DKK4: variants seen among roughly 807,000 people sequenced by gnomAD.
DKK4 encodes dickkopf Wnt signaling pathway inhibitor 4.
DKK4 carries 15 observed loss-of-function variants against 14.5 expected under a neutral mutation model. The ratio of observed to expected loss-of-function variants is 1.03; its 90% CI spans 0.69 to 1.59. DKK4 has a LOEUF of 1.59. Ranked by LOEUF, DKK4 falls within the 40% of genes most tolerant of loss-of-function variation. The pLI is 0.00. For synonymous variants in DKK4, 89 were observed against 105.2 expected, an observed-to-expected ratio of 0.85 and a Z score of 0.94; for missense variants, 272 against 280.3, an observed-to-expected ratio of 0.97 and a Z score of 0.21.
upstream of DKK4, among the ~76,000 whole-genome samples, chr8:42,379,372 TATATATAGAGAGAGAGAG>T (rs1395668534): frequency 7.7e-4 from 39 of 50,598 alleles, no homozygotes; most frequent in African/African-American, 2.7e-3. Context: ...TATATATATA[TATATATAGAGAGAGAGAG>T]AGAGAGAGAG....
upstream of DKK4, among the ~76,000 whole-genome samples, chr8:42,377,582 C>A (rs985766393): frequency 2.6e-5 from 4 of 151,998 alleles, no homozygotes; most frequent in Admixed American, 2.0e-4. Flanking sequence ...TAATTGTGCT[C>A]AAAGAAAGGA....
chr8:42,385,902 C>T, the DKK4 span, among the ~76,000 whole-genome samples: 4 of 152,088 alleles, frequency 2.6e-5, 1 homozygote, highest in African/African-American at 7.2e-5. Flanking sequence ...AAAATTTTCC[C>T]AATTTTTTTC....
chr8:42,381,220 G>T (rs1400830910), upstream of DKK4, among the ~76,000 whole-genome samples: 1 of 152,096 alleles, frequency 6.6e-6, no homozygotes, highest in African/African-American at 2.4e-5. Context: ...GAGGAGCTGG[G>T]ATGATCCTGC....
At chr8:42,376,820 T>C (rs117728709) in intron 1 of DKK4, 115 bp downstream of exon 1, 1 of 844,554 alleles carries the variant, frequency 1.2e-6, no homozygotes, top group East Asian at 2.7e-5. Flanking sequence ...ACCAATTCAA[T>C]TTACCTGCTA....
the DKK4 span, among the ~76,000 whole-genome samples, chr8:42,390,585 G>T: frequency 6.6e-6 from 1 of 151,176 alleles, no homozygotes; most frequent in South Asian, 2.1e-4. Flanking sequence ...GGATGGTCTC[G>T]ATCTCCTGAC....
At chr8:42,383,552 G>C in the DKK4 span, among the ~76,000 whole-genome samples, 1 of 152,260 alleles carries the variant, frequency 6.6e-6, no homozygotes, top group African/African-American at 2.4e-5. Context: ...CCTTGGAGTT[G>C]TCCTGACTCC....
rs751523098 is a variant in DKK4 at position 42,377,082 on chromosome 8, G to C, written c.-37C>G. 1.9e-6 allele frequency: 3 copies of C among 1,569,456 alleles called. No individual in the cohort carries two copies. Among genetic ancestry groups the C allele is most frequent in the East Asian group, 4.5e-5 (2 of 44,448 alleles). On this transcript the variant is annotated 5_prime_UTR_variant, in exon 1 of 4. Coordinates refer to ENST00000220812, the MANE Select transcript of DKK4 (RefSeq NM_014420.3). The stretch of plus-strand genomic sequence containing the variant: ...GGGGCTCCTGGAGGGTCCCAGCACT[G>C]TGCGTCACCAAAGCGAGGCTGCTCT...
the DKK4 span, among the ~76,000 whole-genome samples, chr8:42,387,127 A>C: frequency 1.3e-5 from 2 of 152,140 alleles, no homozygotes; most frequent in Non-Finnish European, 2.9e-5. Flanking sequence ...CGCTTAGCAA[A>C]CATCCCTCAA....
At chr8:42,390,723 G>A in the DKK4 span, among the ~76,000 whole-genome samples, 4 of 152,102 alleles carry the variant, frequency 2.6e-5, no homozygotes, top group Non-Finnish European at 5.9e-5. Flanking sequence ...CTGGGCAGTT[G>A]TCTTGCAGGT....
At chr8:42,386,680 G>T in the DKK4 span, among the ~76,000 whole-genome samples, 1 of 152,046 alleles carries the variant, frequency 6.6e-6, no homozygotes, top group African/African-American at 2.4e-5. Context: ...TAGAGATGGG[G>T]GTCTCGCTAT....
At chr8:42,384,708 C>T in the DKK4 span, among the ~76,000 whole-genome samples, 1 of 152,120 alleles carries the variant, frequency 6.6e-6, no homozygotes, top group African/African-American at 2.4e-5. Context: ...CACCGAGACT[C>T]GGAGGGACCA....
At chr8:42,379,625 G>C (rs1448484024), upstream of DKK4, among the ~76,000 whole-genome samples, 7 of 151,928 alleles carry the variant, frequency 4.6e-5, no homozygotes, top group African/African-American at 1.7e-4. Flanking sequence ...AGACTTTCTA[G>C]AGAAATAAAG....
upstream of DKK4, among the ~76,000 whole-genome samples, chr8:42,379,416 GA>G (rs1563415772): frequency 6.7e-4 from 86 of 128,724 alleles, no homozygotes; most frequent in African/African-American, 2.5e-3. Context: ...GAGAGAGAGA[GA>G]GAGAGAGAGA....
At chr8:42,386,282 T>C in the DKK4 span, among the ~76,000 whole-genome samples, 3 of 152,126 alleles carry the variant, frequency 2.0e-5, no homozygotes, top group South Asian at 4.1e-4. Context: ...GCTCCCTTGC[T>C]TCTTAAAATT....
At chr8:42,381,780 T>G (rs1824684370), upstream of DKK4, among the ~76,000 whole-genome samples, 2 of 152,102 alleles carry the variant, frequency 1.3e-5, no homozygotes, top group African/African-American at 4.8e-5. Context: ...GGTGGATCAC[T>G]TGAGATCAGG....
At chr8:42,379,384 GAGAGA>G (rs1824627785), upstream of DKK4, among the ~76,000 whole-genome samples, 1 of 19,706 alleles carries the variant, frequency 5.1e-5, no homozygotes, top group Non-Finnish European at 9.4e-5. Flanking sequence ...TATATAGAGA[GAGAGA>G]GAGAGAGAGA....
chr8:42,385,539 G>A, the DKK4 span, among the ~76,000 whole-genome samples: 40 of 152,298 alleles, frequency 2.6e-4, no homozygotes, highest in South Asian at 2.7e-3. Context: ...CACATGGGGA[G>A]TGGGAGGGGA....
rs1824500197 is a variant in DKK4, at chr8:42,374,070, C to A, written c.*30G>T. ...TAATGTCCAAGATTGAGCTCAAATG[C>A]AATGTGGATTCTTCTTTATTTTGAA... On this transcript the variant is annotated 3_prime_UTR_variant, in exon 4 of 4. Transcript: ENST00000220812. The A allele has an allele frequency of 1.2e-6, 2 of 1,608,656 alleles. No individual in the cohort carries two copies. Among genetic ancestry groups the A allele is most frequent in the Admixed American group, 3.4e-5 (2 of 59,146 alleles).
chr8:42,385,817 C>G, the DKK4 span, among the ~76,000 whole-genome samples: 1 of 152,060 alleles, frequency 6.6e-6, no homozygotes, highest in Non-Finnish European at 1.5e-5. Context: ...AATACATTCC[C>G]AAATCTTAGA....
Sources: allele counts gnomAD v4.1 joint callset (sites outside exome capture counted in the v4.1 genomes callset), GRCh38; gene constraint gnomAD v4.1.1; transcripts MANE v1.5; gene names NCBI Gene and HGNC (gene_info 2026-07-23, HGNC 2026-07-21).